GATAD2B: variants seen among roughly 807,000 people sequenced by gnomAD.
GATAD2B encodes GATA zinc finger domain containing 2B.
GATAD2B carries 8 observed loss-of-function variants against 64.3 expected under a neutral mutation model. The ratio of observed to expected loss-of-function variants is 0.12; its 90% CI spans 0.07 to 0.22. GATAD2B has a LOEUF of 0.22. Among genes scored for constraint, GATAD2B ranks in the 10% least tolerant of loss-of-function variants. The probability of loss-of-function intolerance (pLI) is 1.00; values close to 1 mark genes in which losing one functional copy is unlikely to be tolerated. For missense variants in GATAD2B, 453 were observed against 752.0 expected, an observed-to-expected ratio of 0.60 and a Z score of 4.65; for synonymous variants, 281 against 271.3, an observed-to-expected ratio of 1.04 and a Z score of -0.35.
chr1:153,823,918 C>T (rs1308496896), intron 2 of GATAD2B, among the ~76,000 whole-genome samples: 2 of 151,572 alleles, frequency 1.3e-5, no homozygotes, highest in Non-Finnish European at 2.9e-5. Context: ...TTAGTAGAGA[C>T]AGGGTTTCAC....
intron 1 of GATAD2B, among the ~76,000 whole-genome samples, chr1:153,882,233 GA>G (rs779528866): frequency 1.3e-4 from 20 of 151,912 alleles, no homozygotes; most frequent in Non-Finnish European, 1.5e-5. Context: ...CTCAAATCAT[GA>G]TGCTTTAACT....
At chr1:153,909,896 C>A (rs1461284337) in intron 1 of GATAD2B, among the ~76,000 whole-genome samples, 1 of 148,726 alleles carries the variant, frequency 6.7e-6, no homozygotes. Context: ...TGCAGTCAGC[C>A]GAGATGATGC....
intron 1 of GATAD2B, among the ~76,000 whole-genome samples, chr1:153,887,215 T>C (rs769176012): frequency 1.4e-4 from 21 of 152,200 alleles, no homozygotes; most frequent in Non-Finnish European, 2.9e-4. Context: ...CTCCACATGT[T>C]TAGAAATAGC....
At position 153,818,772 on chromosome 1, in the gene GATAD2B, T is replaced by C. The variant is rs1382007803; in HGVS notation, c.597+19A>G. Reference sequence around the variant, plus strand: ...TTTTCTTTCCTTTCCCTTAGTCCCTTATTTCTAGGGCACATTACCTTCTGG... The same window carrying C: ...TTTTCTTTCCTTTCCCTTAGTCCCTCATTTCTAGGGCACATTACCTTCTGG... On this transcript the variant is annotated intron_variant, in intron 4 of 10. Transcript: ENST00000368655. 6.2e-7 allele frequency: 1 copy of C among 1,611,328 alleles called. No individual in the cohort carries two copies. Among genetic ancestry groups the C allele is most frequent in the South Asian group, 1.1e-5 (1 of 90,944 alleles).
At position 153,864,459 on chromosome 1, in the gene GATAD2B, AT is replaced by A. The variant is rs374381761; in HGVS notation, c.-1-36112del. 4.1e-3 allele frequency among the ~76,000 whole-genome samples: 619 copies of A among 152,340 alleles called. 5 individuals carry two copies. The highest frequency in any genetic ancestry group is 0.014 in the African/African-American group (580 of 41,586). The stretch of plus-strand genomic sequence containing the variant: ...TAGGGAGACCTTGTCTCTACAAAAA[AT>A]TTAAAAATTAGCTGAGTACAATGGC... On this transcript the variant is annotated intron_variant, in intron 1 of 10. Transcript: ENST00000368655.
intron 1 of GATAD2B, among the ~76,000 whole-genome samples, chr1:153,905,674 G>A (rs1027694479): frequency 6.7e-6 from 1 of 150,354 alleles, no homozygotes. Flanking sequence ...GCACCTGCCT[G>A]TAATCCCAGC....
chr1:153,861,803 T>TAA (rs1676298804), intron 1 of GATAD2B, among the ~76,000 whole-genome samples: 1 of 102,614 alleles, frequency 9.7e-6, no homozygotes, highest in Non-Finnish European at 2.2e-5. Context: ...AAAATATATA[T>TAA]ATATATACAC....
intron 1 of GATAD2B, among the ~76,000 whole-genome samples, chr1:153,836,188 C>A (rs1299675834): frequency 6.6e-6 from 1 of 151,516 alleles, no homozygotes; most frequent in East Asian, 1.9e-4. Flanking sequence ...GTGTGTAATC[C>A]CAGTGACACA....
intron 2 of GATAD2B, among the ~76,000 whole-genome samples, chr1:153,821,635 C>T (rs1305395620): frequency 2.0e-5 from 3 of 151,960 alleles, no homozygotes; most frequent in Admixed American, 1.3e-4. Context: ...GGCGCGATCT[C>T]GGCTCACTGG....
intron 1 of GATAD2B, among the ~76,000 whole-genome samples, chr1:153,830,921 G>A (rs901603367): frequency 1.3e-5 from 2 of 152,112 alleles, no homozygotes; most frequent in Non-Finnish European, 2.9e-5. Flanking sequence ...AGAGACGCGT[G>A]CCACCACACT....
At chr1:153,896,370 A>G (rs1677594339) in intron 1 of GATAD2B, among the ~76,000 whole-genome samples, 1 of 152,058 alleles carries the variant, frequency 6.6e-6, no homozygotes, top group Non-Finnish European at 1.5e-5. Context: ...ACAAAAGGGA[A>G]AGTAGGAGGG....
intron 1 of GATAD2B, among the ~76,000 whole-genome samples, chr1:153,834,964 A>T (rs982745339): frequency 4.1e-5 from 6 of 147,860 alleles, no homozygotes; most frequent in Admixed American, 1.4e-4. Flanking sequence ...TACAGAAAAT[A>T]AAAAAAAAAA....
chr1:153,834,351 T>C (rs1675193944), intron 1 of GATAD2B, among the ~76,000 whole-genome samples: 1 of 151,744 alleles, frequency 6.6e-6, no homozygotes, highest in Admixed American at 6.6e-5. Context: ...TCCTGGAAAT[T>C]ATTTACCATT....
At chr1:153,837,731 A>C (rs1036432446) in intron 1 of GATAD2B, among the ~76,000 whole-genome samples, 1 of 152,206 alleles carries the variant, frequency 6.6e-6, no homozygotes, top group East Asian at 1.9e-4. Flanking sequence ...TACTAAAAAA[A>C]AATTCTACAG....
chr1:153,842,955 T>TTC (rs1491288206), intron 1 of GATAD2B, among the ~76,000 whole-genome samples: 6 of 73,620 alleles, frequency 8.1e-5, no homozygotes, highest in Non-Finnish European at 2.0e-4. Flanking sequence ...TCGCCCAGCC[T>TTC]TTTTTTTTTT....
chr1:153,833,792 G>A (rs1275523817), intron 1 of GATAD2B, among the ~76,000 whole-genome samples: 5 of 123,166 alleles, frequency 4.1e-5, no homozygotes, highest in South Asian at 2.7e-4. Context: ...CCTGGGCAAC[G>A]AGAGCAAAAC....
intron 7 of GATAD2B, among the ~76,000 whole-genome samples, chr1:153,815,533 A>G (rs906141173): frequency 6.6e-6 from 1 of 152,116 alleles, no homozygotes; most frequent in Non-Finnish European, 1.5e-5. Flanking sequence ...ACTTAAAGTC[A>G]CAGTTTCTAA....
At chr1:153,889,413 C>CAAAAAA (rs71093299) in intron 1 of GATAD2B, among the ~76,000 whole-genome samples, 35 of 67,832 alleles carry the variant, frequency 5.2e-4, no homozygotes, top group African/African-American at 6.8e-4. Context: ...ACCCCGTCTC[C>CAAAAAA]AAAAAAAAAA....
chr1:153,860,284 G>C (rs1406709544), intron 1 of GATAD2B, among the ~76,000 whole-genome samples: 1 of 152,036 alleles, frequency 6.6e-6, no homozygotes, highest in Non-Finnish European at 1.5e-5. Context: ...ATTTCCCTTA[G>C]AAAACTGTGA....
Sources: allele counts gnomAD v4.1 joint callset (sites outside exome capture counted in the v4.1 genomes callset), GRCh38; gene constraint gnomAD v4.1.1; transcripts MANE v1.5; gene names NCBI Gene and HGNC (gene_info 2026-07-23, HGNC 2026-07-21).